The following SMIM36 variants were observed in gnomAD, a reference collection of about 807,000 sequenced individuals.
SMIM36 encodes small integral membrane protein 36.
At chr17:55,451,590 T>C (rs1282566541) in intron 4 of SMIM36, among the ~76,000 whole-genome samples, 2 of 152,240 alleles carry the variant, frequency 1.3e-5, no homozygotes, top group Non-Finnish European at 2.9e-5. Flanking sequence ...AAAAATGCTA[T>C]GAAAATTCTT....
chr17:55,530,552 AG>A, the SMIM36 span, among the ~76,000 whole-genome samples: 1 of 152,214 alleles, frequency 6.6e-6, no homozygotes, highest in Non-Finnish European at 1.5e-5. Context: ...TGGGAGGCCA[AG>A]GCAGGCGGAT....
At chr17:55,453,198 C>T (rs975955030) in intron 4 of SMIM36, among the ~76,000 whole-genome samples, 4 of 152,092 alleles carry the variant, frequency 2.6e-5, no homozygotes, top group Admixed American at 2.0e-4. Flanking sequence ...CACCTGTAGT[C>T]CCAAGCCACT....
At chr17:55,499,078 A>G (rs1238410372) in intron 1 of SMIM36, among the ~76,000 whole-genome samples, 2 of 151,986 alleles carry the variant, frequency 1.3e-5, no homozygotes, top group African/African-American at 4.8e-5. Context: ...ACAGAGGGGA[A>G]ATTGAGTGAG....
chr17:55,476,136 A>G (rs1909422270), intron 3 of SMIM36, among the ~76,000 whole-genome samples: 1 of 152,212 alleles, frequency 6.6e-6, no homozygotes, highest in South Asian at 2.1e-4. Context: ...GCATGTATAC[A>G]TCCAGATGGC....
chr17:55,490,373 C>CT (rs1254846272), intron 1 of SMIM36, among the ~76,000 whole-genome samples: 1 of 152,084 alleles, frequency 6.6e-6, no homozygotes, highest in African/African-American at 2.4e-5. Flanking sequence ...GCCATGGGGG[C>CT]TTTTTCTAGC....
intron 3 of SMIM36, among the ~76,000 whole-genome samples, chr17:55,474,085 G>A (rs1909386471): frequency 6.6e-6 from 1 of 152,128 alleles, no homozygotes. Flanking sequence ...CCCCCTTAGA[G>A]TTGTAAGCCC....
intron 4 of SMIM36, among the ~76,000 whole-genome samples, chr17:55,452,783 C>T (rs188698963): frequency 9.1e-4 from 138 of 152,316 alleles, no homozygotes; most frequent in Middle Eastern, 3.4e-3. Context: ...TGGGTACTCT[C>T]CTCCTCTGTA....
upstream of SMIM36, among the ~76,000 whole-genome samples, chr17:55,512,390 C>T (rs1910196561): frequency 1.3e-5 from 2 of 152,188 alleles, no homozygotes; most frequent in African/African-American, 4.8e-5. Flanking sequence ...TAGATATGAT[C>T]CTAGAGCAAT....
At chr17:55,496,691 C>A (rs1909812991) in intron 1 of SMIM36, among the ~76,000 whole-genome samples, 1 of 152,168 alleles carries the variant, frequency 6.6e-6, no homozygotes, top group Admixed American at 6.5e-5. Flanking sequence ...TTGTTCTAAT[C>A]AAAGAGATTA....
At chr17:55,494,702 T>G (rs1196148788) in intron 1 of SMIM36, among the ~76,000 whole-genome samples, 1 of 152,026 alleles carries the variant, frequency 6.6e-6, no homozygotes, top group Non-Finnish European at 1.5e-5. Context: ...ACATACACAC[T>G]CACACGAGTG....
chr17:55,508,718 T>G (rs566650155), intron 1 of SMIM36, among the ~76,000 whole-genome samples: 1 of 151,196 alleles, frequency 6.6e-6, no homozygotes, highest in Non-Finnish European at 1.5e-5. Flanking sequence ...AGGTCGGGAG[T>G]TCGAGACCAG....
intron 1 of SMIM36, among the ~76,000 whole-genome samples, chr17:55,501,931 A>C (rs1481558602): frequency 6.8e-6 from 1 of 147,448 alleles, no homozygotes; most frequent in Non-Finnish European, 1.5e-5. Context: ...GGGGTCAGGG[A>C]GTTCCCTTTC....
upstream of SMIM36, chr17:55,511,586 G>C (rs549312118): frequency 4.4e-5 from 10 of 228,700 alleles, no homozygotes; most frequent in African/African-American, 1.8e-4. Context: ...GAGAGAGAAA[G>C]AGAGAGAGAG....
chr17:55,471,708 G>T (rs1567864715), intron 3 of SMIM36, among the ~76,000 whole-genome samples: 3 of 152,096 alleles, frequency 2.0e-5, no homozygotes, highest in African/African-American at 7.2e-5. Flanking sequence ...CCTACACTAG[G>T]ACTCCTTGAC....
the SMIM36 span, among the ~76,000 whole-genome samples, chr17:55,518,725 G>A: frequency 2.0e-5 from 3 of 152,246 alleles, no homozygotes; most frequent in African/African-American, 7.2e-5. Context: ...TTTTAGATGA[G>A]TGATATGAAA....
At chr17:55,487,345 G>A (rs1171719449) in intron 1 of SMIM36, among the ~76,000 whole-genome samples, 1 of 152,128 alleles carries the variant, frequency 6.6e-6, no homozygotes, top group Middle Eastern at 3.2e-3. Flanking sequence ...ATAACTTAGA[G>A]TATCATAAAA....
exon 1 of SMIM36, chr17:55,511,358 G>T: frequency 2.5e-6 from 1 of 398,356 alleles, no homozygotes; most frequent in South Asian, 1.3e-4. Context: ...GTGGAGAAGT[G>T]GGTCTAGAGA....
At chr17:55,516,554 CT>C in the SMIM36 span, among the ~76,000 whole-genome samples, 595 of 98,486 alleles carry the variant, frequency 6.0e-3, no homozygotes, top group African/African-American at 0.021. Context: ...AACAGTCTTC[CT>C]TTTTTTTTTT....
intron 1 of SMIM36, among the ~76,000 whole-genome samples, chr17:55,508,232 C>T (rs1253754941): frequency 6.6e-6 from 1 of 151,834 alleles, no homozygotes; most frequent in Non-Finnish European, 1.5e-5. Context: ...TCACCCCTTC[C>T]ACAAGGATAC....
Sources: allele counts gnomAD v4.1 joint callset (sites outside exome capture counted in the v4.1 genomes callset), GRCh38; gene constraint gnomAD v4.1.1; transcripts MANE v1.5; gene names NCBI Gene and HGNC (gene_info 2026-07-23, HGNC 2026-07-21).